Variants in CNGA1 observed in about 807,000 individuals in gnomAD.
The protein encoded by CNGA1 is cyclic nucleotide gated channel subunit alpha 1.
Under a neutral mutation model 69.7 loss-of-function variants are expected in CNGA1, and 53 were observed. The ratio of observed to expected loss-of-function variants is 0.76; its 90% CI spans 0.61 to 0.96. The LOEUF is 0.96. Among genes scored for constraint, CNGA1 ranks in the 40% least tolerant of loss-of-function variants. The probability of loss-of-function intolerance (pLI) is 0.00; values close to 1 mark genes in which losing one functional copy is unlikely to be tolerated. For synonymous variants in CNGA1, 249 were observed against 283.5 expected (o/e 0.88, Z 1.22); for missense variants, 739 against 811.2 (o/e 0.91, Z 1.08).
At chr4:47,973,149 C>A (rs4544684) in intron 3 of CNGA1, among the ~76,000 whole-genome samples, 79,069 of 148,148 alleles carry the variant, frequency 0.53, 22,616 homozygotes, top group Non-Finnish European at 0.64. Flanking sequence ...CTCACTGCAA[C>A]CTCCACCTCC....
In CNGA1 at chr4:48,011,404, T is replaced by C. The variant is rs189829980; in HGVS notation, c.-222-511A>G. ...ACACACATGCACACATGCACACACA[T>C]GCACACATACACACACACACACACA... On this transcript the variant is annotated intron_variant, in intron 1 of 10. Coordinates refer to ENST00000514170, the MANE Select transcript of CNGA1 (RefSeq NM_001379270.1). Among the ~76,000 whole-genome samples, 1,148 of 132,248 alleles carry C rather than the reference T, an allele frequency of 8.7e-3. 8 individuals are homozygous for C. The highest frequency in any genetic ancestry group is 0.015 in the Non-Finnish European group (886 of 60,554). 86.8% of individuals were successfully genotyped at this position (132,248 alleles called of 152,430 possible). A position where few individuals can be genotyped will look rare whatever the true frequency, so the allele number is the denominator to read the frequency against.
intron 2 of CNGA1, among the ~76,000 whole-genome samples, chr4:47,984,517 C>T (rs1264297521): frequency 1.3e-5 from 2 of 151,912 alleles, no homozygotes; most frequent in South Asian, 2.1e-4. Context: ...ACTCAGGAGG[C>T]TGAGGCAGGA....
chr4:48,005,973 A>G (rs754786156), intron 2 of CNGA1, among the ~76,000 whole-genome samples: 15 of 152,260 alleles, frequency 9.9e-5, no homozygotes, highest in Admixed American at 6.5e-5. Flanking sequence ...AATTTTATTC[A>G]TAGGAGTATA....
At chr4:47,997,583 A>C (rs573674607) in intron 2 of CNGA1, among the ~76,000 whole-genome samples, 1 of 152,270 alleles carries the variant, frequency 6.6e-6, no homozygotes, top group African/African-American at 2.4e-5. Flanking sequence ...AATGTAAGTT[A>C]TTATGTATTA....
chr4:47,974,532 T>C (rs568375930), intron 3 of CNGA1, among the ~76,000 whole-genome samples: 3 of 152,208 alleles, frequency 2.0e-5, no homozygotes, highest in Non-Finnish European at 4.4e-5. Flanking sequence ...TTTAAAATAA[T>C]GTTTTCCATT....
chr4:47,949,253 T>C (rs1739603040), intron 6 of CNGA1, among the ~76,000 whole-genome samples: 1 of 152,164 alleles, frequency 6.6e-6, no homozygotes. Flanking sequence ...ATGGTTATGC[T>C]CCATCTTCTA....
intron 3 of CNGA1, among the ~76,000 whole-genome samples, chr4:47,959,677 G>A (rs748922777): frequency 6.6e-5 from 10 of 152,012 alleles, no homozygotes; most frequent in African/African-American, 1.9e-4. Context: ...GCGCCATCTC[G>A]GCTAACTGCA....
At chr4:48,006,958 C>G (rs1225459605) in intron 2 of CNGA1, among the ~76,000 whole-genome samples, 1 of 151,262 alleles carries the variant, frequency 6.6e-6, no homozygotes, top group Non-Finnish European at 1.5e-5. Flanking sequence ...GAAAGTTTGT[C>G]AAATATCAAA....
chr4:47,965,210 T>G (rs1235911633), intron 3 of CNGA1, among the ~76,000 whole-genome samples: 1 of 152,154 alleles, frequency 6.6e-6, no homozygotes, highest in Non-Finnish European at 1.5e-5. Flanking sequence ...AAGCATGGTG[T>G]TGACCATTAG....
Position 47,989,648 on chromosome 4 carries a change from T to A in CNGA1, c.-122-8148A>T, listed in dbSNP as rs187530948. ...ATTTAGCACCTGATTTAAAAAAAAA[T>A]TTTTTTTGTTTCCGTAGGTTATTGG... is the stretch of plus-strand genomic sequence containing the variant. On this transcript the variant is annotated intron_variant, in intron 2 of 10. Transcript: ENST00000514170. Among the ~76,000 whole-genome samples, 280 of 152,054 alleles carry A rather than the reference T, an allele frequency of 1.8e-3. 1 individual carries two copies. The highest frequency in any genetic ancestry group is 6.8e-3 in the Middle Eastern group (2 of 294).
chr4:47,960,170 T>C (rs908576012), intron 3 of CNGA1, among the ~76,000 whole-genome samples: 4 of 152,174 alleles, frequency 2.6e-5, no homozygotes, highest in South Asian at 2.1e-4. Context: ...AAAATGTGCT[T>C]AACTCATCAG....
At chr4:47,976,618 T>C (rs1042331850) in intron 3 of CNGA1, among the ~76,000 whole-genome samples, 3 of 152,086 alleles carry the variant, frequency 2.0e-5, no homozygotes, top group Admixed American at 2.0e-4. Flanking sequence ...AACCTTTTTT[T>C]CCTACTTCTC....
chr4:48,008,560 A>C (rs1219971716), intron 2 of CNGA1, among the ~76,000 whole-genome samples: 1 of 152,240 alleles, frequency 6.6e-6, no homozygotes, highest in African/African-American at 2.4e-5. Flanking sequence ...GAAATATTTT[A>C]GTATAACTTT....
chr4:47,960,085 C>A, intron 3 of CNGA1, among the ~76,000 whole-genome samples: 1 of 151,760 alleles, frequency 6.6e-6, no homozygotes, highest in Admixed American at 6.6e-5. Context: ...TAAAAACAAC[C>A]CAATAAAAAT....
chr4:47,939,933 C>T (rs1052851163), intron 10 of CNGA1, among the ~76,000 whole-genome samples: 2 of 152,198 alleles, frequency 1.3e-5, no homozygotes, highest in Non-Finnish European at 2.9e-5. Context: ...GTCTATTTTG[C>T]ATATTCTTGC....
At chr4:48,007,516 G>A (rs1453384042) in intron 2 of CNGA1, among the ~76,000 whole-genome samples, 2 of 152,128 alleles carry the variant, frequency 1.3e-5, no homozygotes, top group African/African-American at 4.8e-5. Context: ...AATCAAGAGG[G>A]CCTGAAGATG....
intron 3 of CNGA1, among the ~76,000 whole-genome samples, chr4:47,967,302 C>CA (rs1740776594): frequency 6.7e-6 from 1 of 149,600 alleles, no homozygotes; most frequent in African/African-American, 2.5e-5. Context: ...GATTCTGTCT[C>CA]AAAAAACAAA....
intron 2 of CNGA1, among the ~76,000 whole-genome samples, chr4:47,991,755 G>T (rs1241314026): frequency 6.6e-6 from 1 of 152,172 alleles, no homozygotes; most frequent in Non-Finnish European, 1.5e-5. Context: ...CCAATGTCTA[G>T]AAGGATTTTT....
chr4:47,990,540 C>A (rs1048166945), intron 2 of CNGA1, among the ~76,000 whole-genome samples: 1 of 152,082 alleles, frequency 6.6e-6, no homozygotes, highest in African/African-American at 2.4e-5. Context: ...AGACCTCCAT[C>A]AGTATTTCTA....
Sources: gnomAD v4.1 joint callset for allele counts (sites outside exome capture counted in the v4.1 genomes callset) on GRCh38, gnomAD v4.1.1 for gene constraint, MANE v1.5 for transcripts, NCBI Gene and HGNC (gene_info 2026-07-23, HGNC 2026-07-21) for gene names.